TRIM44: variants seen among roughly 807,000 people sequenced by gnomAD.
The protein encoded by TRIM44 is tripartite motif containing 44, also known as tripartite motif-containing protein 44.
TRIM44 carries 13 observed loss-of-function variants against 37.4 expected under a neutral mutation model. The ratio of observed to expected loss-of-function variants is 0.35; its 90% CI spans 0.23 to 0.55. The LOEUF is 0.55. Ranked by LOEUF, TRIM44 falls within the 20% of genes least tolerant of loss-of-function variation. The pLI is 0.89. For synonymous variants in TRIM44, 175 were observed against 157.2 expected (o/e 1.11, Z -0.85); for missense variants, 426 against 437.2 (o/e 0.97, Z 0.23).
intron 4 of TRIM44, among the ~76,000 whole-genome samples, chr11:35,751,927 A>T (rs577383815): frequency 4.2e-4 from 64 of 152,320 alleles, no homozygotes; most frequent in African/African-American, 1.5e-3. Context: ...TTGAATGAGT[A>T]TAAGTGACTT....
intron 2 of TRIM44, among the ~76,000 whole-genome samples, chr11:35,694,055 A>G (rs1193655846): frequency 6.6e-6 from 1 of 152,176 alleles, no homozygotes; most frequent in East Asian, 1.9e-4. Context: ...TTAATCCTCT[A>G]AAACTGAATC....
chr11:35,767,187 C>T (rs1275065840), intron 4 of TRIM44, among the ~76,000 whole-genome samples: 1 of 152,068 alleles, frequency 6.6e-6, no homozygotes, highest in African/African-American at 2.4e-5. Flanking sequence ...GATAGAGGAC[C>T]TTTCATTTTT....
chr11:35,723,607 G>T (rs1337759845), intron 2 of TRIM44, among the ~76,000 whole-genome samples: 1 of 152,190 alleles, frequency 6.6e-6, no homozygotes, highest in Non-Finnish European at 1.5e-5. Flanking sequence ...TGTAATTAAA[G>T]CCATGGGAAA....
intron 2 of TRIM44, among the ~76,000 whole-genome samples, chr11:35,725,251 A>G (rs1852160153): frequency 6.6e-6 from 1 of 152,212 alleles, no homozygotes; most frequent in Non-Finnish European, 1.5e-5. Flanking sequence ...CTATATACAT[A>G]TATGTACATA....
intron 4 of TRIM44, among the ~76,000 whole-genome samples, chr11:35,762,182 C>T (rs1481857382): frequency 6.6e-6 from 1 of 152,160 alleles, no homozygotes; most frequent in African/African-American, 2.4e-5. Flanking sequence ...CTGGGACATT[C>T]CCCAATATAA....
intron 1 of TRIM44, among the ~76,000 whole-genome samples, chr11:35,665,585 T>A (rs909602006): frequency 4.1e-4 from 42 of 102,870 alleles, no homozygotes; most frequent in African/African-American, 1.4e-3. Context: ...TTTATATATC[T>A]GTTTTTTTTT....
chr11:35,756,046 T>G (rs1852633526), intron 4 of TRIM44, among the ~76,000 whole-genome samples: 1 of 152,238 alleles, frequency 6.6e-6, no homozygotes, highest in South Asian at 2.1e-4. Context: ...GTGAAGAAAG[T>G]CATTGGTAGC....
chr11:35,785,438 T>TGCCTTCAGGTTTCTGAAGCG (rs1853119158), intron 4 of TRIM44, among the ~76,000 whole-genome samples: 1 of 152,224 alleles, frequency 6.6e-6, no homozygotes, highest in African/African-American at 2.4e-5. Flanking sequence ...TTCTGCAGCG[T>TGCCTTCAGGTTTCTGAAGCG]TGCCTTCAGG....
Position 35,814,018 on chromosome 11 carries a change from A to T in TRIM44, c.*7633A>T, listed in dbSNP as rs1011703782. 2.6e-5 allele frequency: 4 copies of T among 152,314 alleles called. No individual in the cohort carries two copies. The highest frequency in any genetic ancestry group is 4.4e-5 in the Non-Finnish European group (3 of 68,030). 9.4% of individuals were successfully genotyped at this position (152,314 alleles called of 1,614,324 possible). A position where few individuals can be genotyped will look rare whatever the true frequency, so the allele number is the denominator to read the frequency against. The stretch of plus-strand genomic sequence containing the variant: ...AATAAAACTAATAACTAGAATACAG[A>T]TCAAATTCTGTTACAACAAATACTG... On this transcript the variant is annotated 3_prime_UTR_variant, in exon 5 of 5. Transcript: ENST00000299413.
intron 4 of TRIM44, among the ~76,000 whole-genome samples, chr11:35,757,917 C>A (rs1362675420): frequency 1.3e-5 from 2 of 152,038 alleles, no homozygotes; most frequent in African/African-American, 4.8e-5. Context: ...CTTTACTTCC[C>A]ACTATGCGGT....
At chr11:35,739,444 A>G (rs1852364035) in intron 4 of TRIM44, among the ~76,000 whole-genome samples, 1 of 152,178 alleles carries the variant, frequency 6.6e-6, no homozygotes, top group Admixed American at 6.5e-5. Flanking sequence ...ACCCTATACA[A>G]AAGCCAAGAG....
intron 2 of TRIM44, among the ~76,000 whole-genome samples, chr11:35,719,833 C>G (rs1375526568): frequency 6.6e-6 from 1 of 152,144 alleles, no homozygotes; most frequent in Non-Finnish European, 1.5e-5. Flanking sequence ...TACCTTTGCT[C>G]CTTTGTCAAA....
At chr11:35,743,586 G>A (rs147463170) in intron 4 of TRIM44, among the ~76,000 whole-genome samples, 1,971 of 152,314 alleles carry the variant, frequency 0.013, 142 homozygotes, top group Admixed American at 0.11. Context: ...GAAGGGAATT[G>A]TCTATTTGAT....
At position 35,807,778 on chromosome 11, in the gene TRIM44, T is replaced by C. The variant is rs1052405207; in HGVS notation, c.*1393T>C. 1 of 152,202 alleles carries C rather than the reference T, an allele frequency of 6.6e-6. No homozygotes were observed. Among genetic ancestry groups the C allele is most frequent in the Non-Finnish European group, 1.5e-5 (1 of 68,026 alleles). The allele number at this position is 152,202 out of a possible 1,614,324, so 9.4% of individuals were successfully genotyped here. On this transcript the variant is annotated 3_prime_UTR_variant, in exon 5 of 5. Transcript: ENST00000299413. Reference sequence around the variant, plus strand: ...AATTCTTATTTGCAAGTGGGTTATGTGTTCACTCTCCTCTACCTTTATGGT... The same window carrying C: ...AATTCTTATTTGCAAGTGGGTTATGCGTTCACTCTCCTCTACCTTTATGGT...
chr11:35,800,770 C>A (rs921152548), intron 4 of TRIM44, among the ~76,000 whole-genome samples: 7 of 152,112 alleles, frequency 4.6e-5, no homozygotes, highest in Admixed American at 3.3e-4. Flanking sequence ...TGAATGAGAG[C>A]AAATTAATTA....
At position 35,747,637 on chromosome 11, in the gene TRIM44, TTGTC is replaced by T. The variant is rs140122975; in HGVS notation, c.1007+12195_1007+12198del. On this transcript the variant is annotated intron_variant, in intron 4 of 4. Coordinates refer to ENST00000299413, the MANE Select transcript of TRIM44 (RefSeq NM_017583.6). ...TCTTTGTTGAATGTCAACAAGCAGT[TTGTC>T]TGAGAAGAAAGTTGAGGTGGGGCTT... is the stretch of plus-strand genomic sequence containing the variant. Among the ~76,000 whole-genome samples the T allele has an allele frequency of 0.014, 2,094 of 152,226 alleles. 115 individuals are homozygous for T. The East Asian group carries it at 0.14, about 10-fold the overall frequency.
intron 4 of TRIM44, among the ~76,000 whole-genome samples, chr11:35,787,398 C>T (rs1417393758): frequency 3.3e-5 from 5 of 152,150 alleles, no homozygotes; most frequent in Non-Finnish European, 7.4e-5. Context: ...TCTGTTATTA[C>T]CACAAGGCGA....
intron 2 of TRIM44, among the ~76,000 whole-genome samples, chr11:35,688,880 G>A (rs1034517630): frequency 3.3e-5 from 5 of 152,160 alleles, no homozygotes; most frequent in African/African-American, 1.2e-4. Flanking sequence ...CCTCTGTGCT[G>A]TACCTTAGCT....
rs1186512822 is a variant in TRIM44, at chr11:35,706,075, G to A, written c.748-19849G>A. Among the ~76,000 whole-genome samples, 3 of 148,396 alleles carry A rather than the reference G, an allele frequency of 2.0e-5. 1 individual carries two copies. Among genetic ancestry groups the A allele is most frequent in the Non-Finnish European group, 4.6e-5 (3 of 65,900 alleles). On this transcript the variant is annotated intron_variant, in intron 2 of 4. Transcript: ENST00000299413. ...ATAGACACAATAAAAAATGATAAAGGGGATATCACCACCGATCCCACAGAA... is the reference window on the plus strand; with the variant it reads ...ATAGACACAATAAAAAATGATAAAGAGGATATCACCACCGATCCCACAGAA...
Sources: allele counts gnomAD v4.1 joint callset (sites outside exome capture counted in the v4.1 genomes callset), GRCh38; gene constraint gnomAD v4.1.1; transcripts MANE v1.5; gene names NCBI Gene and HGNC (gene_info 2026-07-23, HGNC 2026-07-21).